The following SSTR5 variants were observed in gnomAD, a reference collection of about 807,000 sequenced individuals.
SSTR5 encodes somatostatin receptor 5, also known as somatostatin receptor type 5.
Under a neutral mutation model 0.3 loss-of-function variants are expected in SSTR5, and 1 was observed. That is an observed-to-expected ratio of 2.98 (90% CI 1.06 to 14.15). The LOEUF is 14.15. SSTR5 is among the 30% of genes most tolerant of loss of function. The probability of loss-of-function intolerance (pLI) is 0.12; values close to 1 mark genes in which losing one functional copy is unlikely to be tolerated. For missense variants in SSTR5, 516 were observed against 543.2 expected (o/e 0.95, Z 0.50); for synonymous variants, 256 against 263.1 (o/e 0.97, Z 0.26).
At position 1,078,757 on chromosome 16, in the gene SSTR5, G is replaced by A. The variant is rs866642858; in HGVS notation, c.-27-85G>A. 4.2e-5 allele frequency: 56 copies of A among 1,345,992 alleles called. No homozygotes were observed. The Middle Eastern group carries it at 6.7e-4, about 16-fold the overall frequency. 83.4% of individuals were successfully genotyped at this position (1,345,992 alleles called of 1,614,324 possible). ...GGTGATCCCGCGCCTCCTGGCAGGC[G>A]GGGCTGGGGCCCAGGAGGAAGGAAT... is the stretch of plus-strand genomic sequence containing the variant. On this transcript the variant is annotated intron_variant, in intron 1 of 1. Transcript: ENST00000689027.
Position 1,079,923 on chromosome 16 carries a change from G to C in SSTR5, c.1055G>C (p.Arg352Pro). 6.2e-7 allele frequency: 1 copy of C among 1,605,610 alleles called. No homozygotes were observed. The highest frequency in any genetic ancestry group is 1.3e-5 in the African/African-American group (1 of 74,940). The change falls in exon 2 of 2, where the codon CGC becomes CCC. Residue 352 changes from arginine to proline, a missense_variant. Physicochemically the swap from Arg to Pro is moderately radical, Grantham distance 103 (BLOSUM62 -2). Coordinates refer to ENST00000689027, the MANE Select transcript of SSTR5 (RefSeq NM_001172560.3). ...CAGGAGGCCACGCCACCCGCGCACC[G>C]CGCCGCAGCCAACGGGCTTATGCAG... ...QQQEATPPAHRAAANGLMQTS... is the reference protein window; with the variant it reads ...QQQEATPPAHPAAANGLMQTS...
chr16:1,074,752 T>C (rs1315237816), intron 1 of SSTR5, among the ~76,000 whole-genome samples: 1 of 152,172 alleles, frequency 6.6e-6, no homozygotes, highest in Non-Finnish European at 1.5e-5. Flanking sequence ...ACCGGGCACC[T>C]GCAGATGGTG....
intron 1 of SSTR5, among the ~76,000 whole-genome samples, chr16:1,074,915 G>C (rs1409448288): frequency 6.6e-6 from 1 of 152,192 alleles, no homozygotes; most frequent in Non-Finnish European, 1.5e-5. Flanking sequence ...GCTCAGAGAA[G>C]CCCGTGACTT....
At position 1,080,267 on chromosome 16, in the gene SSTR5, C is replaced by G. The variant is rs1227771385; in HGVS notation, c.*304C>G. On this transcript the variant is annotated 3_prime_UTR_variant, in exon 2 of 2. Transcript: ENST00000689027. ...GCCTCACCCTCCATCTGGCCCCAGC[C>G]CATGCCGGCCTTCCCTCTGGGGAGC... 2.0e-5 allele frequency: 8 copies of G among 396,664 alleles called. No individual in the cohort carries two copies. Among genetic ancestry groups the G allele is most frequent in the Non-Finnish European group, 2.8e-5 (6 of 215,304 alleles). The allele number at this position is 396,664 out of a possible 1,614,324, so 24.6% of individuals were successfully genotyped here. A position where few individuals can be genotyped will look rare whatever the true frequency, so the allele number is the denominator to read the frequency against.
At position 1,079,822 on chromosome 16, in the gene SSTR5, T is replaced by G; in HGVS notation, c.954T>G (p.Val318=). 1.2e-6 allele frequency: 2 copies of G among 1,612,278 alleles called. No homozygotes were observed. Among genetic ancestry groups the G allele is most frequent in the South Asian group, 1.1e-5 (1 of 91,078 alleles). Residue 318 remains valine, a synonymous_variant, in exon 2 of 2, where the codon GTT becomes GTG. Coordinates refer to ENST00000689027, the MANE Select transcript of SSTR5 (RefSeq NM_001172560.3). The part of the protein sequence containing the change: ...SDNFRQSFQK[V]LCLRKGSGAK... ...ACTTCCGCCAGAGCTTCCAGAAGGT[T>G]CTGTGCCTCCGCAAGGGCTCTGGTG...
chr16:1,079,106 C>G lies in SSTR5; in HGVS notation c.238C>G (p.Leu80Val). 6.2e-7 allele frequency: 1 copy of G among 1,612,732 alleles called. No individual in the cohort carries two copies. The highest frequency in any genetic ancestry group is 8.5e-7 in the Non-Finnish European group (1 of 1,179,958). ...KMKTVTNIYILNLAVADVLYM... is the reference protein window; with the variant it reads ...KMKTVTNIYIVNLAVADVLYM... ...GAAGACCGTCACCAACATCTACATT[C>G]TCAACCTGGCAGTGGCCGACGTCCT... Residue 80 changes from leucine to valine, a missense_variant, in exon 2 of 2, where the codon CTC becomes GTC. Leu to Val is a conservative substitution (Grantham distance 32, BLOSUM62 1). Coordinates refer to ENST00000689027, the MANE Select transcript of SSTR5 (RefSeq NM_001172560.3).
At chr16:1,074,190 G>A (rs1397678775) in intron 1 of SSTR5, among the ~76,000 whole-genome samples, 3 of 152,224 alleles carry the variant, frequency 2.0e-5, no homozygotes, top group Non-Finnish European at 2.9e-5. Flanking sequence ...GGGAGCACAG[G>A]CCTGGCTCCG....
At chr16:1,078,695 TC>T in intron 1 of SSTR5, 146 bp from the exon 2 acceptor site, 1 of 753,422 alleles carries the variant, frequency 1.3e-6, no homozygotes, top group Non-Finnish European at 2.1e-6. Context: ...TTAACGTGAT[TC>T]CCGGCCAAGC....
At chr16:1,074,727 G>C (rs1332568748) in intron 1 of SSTR5, among the ~76,000 whole-genome samples, 2 of 152,218 alleles carry the variant, frequency 1.3e-5, no homozygotes, top group Non-Finnish European at 2.9e-5. Flanking sequence ...GTGGCTTCTG[G>C]GCTGACCCTG....
rs76989405 is a variant in SSTR5 at position 1,080,334 on chromosome 16, C to T, written c.*371C>T. Among the ~76,000 whole-genome samples the T allele has an allele frequency of 1.3e-4, 20 of 152,358 alleles. No individual in the cohort carries two copies. In the East Asian group the frequency reaches 2.1e-3, roughly 16 times the overall value. ...CGGCCAGGCGAGAGGGTCTTCCTGA[C>T]GGCGGAGCTGACCTGCCCGGCCCAC... is the stretch of plus-strand genomic sequence containing the variant. On this transcript the variant is annotated 3_prime_UTR_variant, in exon 2 of 2. Coordinates refer to ENST00000689027, the MANE Select transcript of SSTR5 (RefSeq NM_001172560.3).
rs757200795 is a variant in SSTR5 at position 1,079,372 on chromosome 16, G to A, written c.504G>A (p.Leu168=). The change falls in exon 2 of 2, where the codon CTG becomes CTA. Residue 168 remains leucine, a synonymous_variant. Coordinates refer to ENST00000689027, the MANE Select transcript of SSTR5 (RefSeq NM_001172560.3). ...GCGCCGCGGCCTGGGTCCTGTCTCT[G>A]TGCATGTCGCTGCCGCTCCTGGTGT... ...LASAAAWVLS[L]CMSLPLLVFA... 6.3e-7 allele frequency: 1 copy of A among 1,598,038 alleles called. No homozygotes were observed. The highest frequency in any genetic ancestry group is 8.5e-7 in the Non-Finnish European group (1 of 1,172,442).
chr16:1,079,335 C>A lies in SSTR5; in HGVS notation c.467C>A (p.Ala156Asp). Residue 156 changes from alanine (A) to aspartate (D), a missense_variant, in exon 2 of 2, where the codon GCC becomes GAC. By Grantham distance (126) the Ala-to-Asp change is moderately radical. Coordinates refer to ENST00000689027, the MANE Select transcript of SSTR5 (RefSeq NM_001172560.3). ...SSARWRRPRV[A>D]KLASAAAWVL... ...GCCCGCTGGCGCCGCCCGCGTGTGG[C>A]CAAGCTGGCGAGCGCCGCGGCCTGG... 1 of 1,606,346 alleles carries A rather than the reference C, an allele frequency of 6.2e-7. No individual in the cohort carries two copies. Among genetic ancestry groups the A allele is most frequent in the Non-Finnish European group, 8.5e-7 (1 of 1,176,896 alleles).
chr16:1,076,350 A>AC (rs77370413), intron 1 of SSTR5, among the ~76,000 whole-genome samples: 105,435 of 105,638 alleles, frequency 1, 52,616 homozygotes, highest in Middle Eastern at 1. Context: ...CTCTTCTCCC[A>AC]CCCCGGGGTC....
chr16:1,080,008 G>T lies in SSTR5; in HGVS notation c.*45G>T, dbSNP rs767517427. 1 of 1,541,936 alleles carries T rather than the reference G, an allele frequency of 6.5e-7. No homozygotes were observed. Among genetic ancestry groups the T allele is most frequent in the East Asian group, 2.3e-5 (1 of 42,770 alleles). On this transcript the variant is annotated 3_prime_UTR_variant, in exon 2 of 2. Transcript: ENST00000689027. ...GCGGCCCCGTGTCACCCCCAGGAGC[G>T]GAGGTTGCACTGCGGTGACCCCCAC... is the stretch of plus-strand genomic sequence containing the variant.
rs138635434 is a variant in SSTR5 at position 1,079,867 on chromosome 16, G to A, written c.999G>A (p.Thr333=). Residue 333 remains threonine (T), a synonymous_variant, in exon 2 of 2, where the codon ACG becomes ACA. Transcript: ENST00000689027. ...KGSGAKDADA[T]EPRPDRIRQQ... ...CTGGTGCCAAGGACGCTGACGCCAC[G>A]GAGCCGCGTCCAGACAGGATCCGGC... 277 of 1,611,254 alleles carry A rather than the reference G, an allele frequency of 1.7e-4. No individual in the cohort carries two copies. The highest frequency in any genetic ancestry group is 1.7e-4 in the Middle Eastern group (1 of 6,058).
rs181997038 is a variant in SSTR5, at chr16:1,073,916, G to T, written c.-28+1094G>T. ...GCGAGGCTGTCAGGAGGTGCCTGGT[G>T]TGGAGGGTGCCCCGAGAAGCGTTCG... On this transcript the variant is annotated intron_variant, in intron 1 of 1. Transcript: ENST00000689027. 1.6e-3 allele frequency among the ~76,000 whole-genome samples: 244 copies of T among 152,380 alleles called. 2 individuals carry two copies. Among genetic ancestry groups the T allele is most frequent in the Middle Eastern group, 6.8e-3 (2 of 294 alleles).
intron 1 of SSTR5, 124 bp downstream of exon 1, chr16:1,072,946 C>G (rs1300899844): frequency 2.0e-5 from 3 of 152,356 alleles, no homozygotes; most frequent in African/African-American, 7.2e-5. Context: ...GCGCCCCCAG[C>G]CCGCTGCACG....
rs930930530 is a variant in SSTR5, at chr16:1,080,839, C to T, written c.*876C>T. On this transcript the variant is annotated 3_prime_UTR_variant, in exon 2 of 2. Coordinates refer to ENST00000689027, the MANE Select transcript of SSTR5 (RefSeq NM_001172560.3). ...CCTGAGGGCACTAGGGAGAGGTGCT[C>T]CTGCTGCAGGAGGACCTGAGGGTCA... Among the ~76,000 whole-genome samples the T allele has an allele frequency of 6.6e-6, 1 of 152,108 alleles. No individual in the cohort carries two copies. Among genetic ancestry groups the T allele is most frequent in the Non-Finnish European group, 1.5e-5 (1 of 67,984 alleles).
chr16:1,079,924 C>A lies in SSTR5; in HGVS notation c.1056C>A (p.Arg352=). Residue 352 remains arginine, a synonymous_variant, in exon 2 of 2, where the codon CGC becomes CGA. Transcript: ENST00000689027. ...QQQEATPPAH[R]AAANGLMQTS... ...AGGAGGCCACGCCACCCGCGCACCGCGCCGCAGCCAACGGGCTTATGCAGA... is the reference window on the plus strand; with the variant it reads ...AGGAGGCCACGCCACCCGCGCACCGAGCCGCAGCCAACGGGCTTATGCAGA... The A allele has an allele frequency of 1.9e-6, 3 of 1,605,644 alleles. No homozygotes were observed. The highest frequency in any genetic ancestry group is 2.5e-6 in the Non-Finnish European group (3 of 1,176,808).
Sources: allele counts gnomAD v4.1 joint callset (sites outside exome capture counted in the v4.1 genomes callset), GRCh38; gene constraint gnomAD v4.1.1; transcripts MANE v1.5; gene names NCBI Gene and HGNC (gene_info 2026-07-23, HGNC 2026-07-21).